The following CRK variants were observed in gnomAD, a reference collection of about 807,000 sequenced individuals.
The protein encoded by CRK is CRK proto-oncogene, adaptor protein.
CRK carries 4 observed loss-of-function variants against 29.8 expected under a neutral mutation model. That is an observed-to-expected ratio of 0.13 (90% CI 0.07 to 0.31). The LOEUF (loss-of-function observed/expected upper bound fraction) is 0.31. CRK is among the 10% of genes least tolerant of loss of function. CRK has a pLI of 1.00. For synonymous variants in CRK, 153 were observed against 164.9 expected, an observed-to-expected ratio of 0.93 and a Z score of 0.55; for missense variants, 274 against 396.5, an observed-to-expected ratio of 0.69 and a Z score of 2.62.
At chr17:1,432,413 C>T (rs1421163537) in intron 2 of CRK, among the ~76,000 whole-genome samples, 4 of 145,598 alleles carry the variant, frequency 2.7e-5, no homozygotes, top group Non-Finnish European at 6.0e-5. Context: ...CACTTGAACC[C>T]AGGAGGCAGA....
intron 2 of CRK, among the ~76,000 whole-genome samples, chr17:1,423,923 G>A (rs2073751521): frequency 6.6e-6 from 1 of 152,208 alleles, no homozygotes; most frequent in African/African-American, 2.4e-5. Flanking sequence ...AAAAAGGAAA[G>A]TGATAATTAT....
intron 2 of CRK, among the ~76,000 whole-genome samples, chr17:1,427,647 TGAGA>T (rs1306254925): frequency 1.3e-5 from 2 of 151,816 alleles, no homozygotes; most frequent in African/African-American, 4.8e-5. Context: ...TTTGTTTGTT[TGAGA>T]GAGAGTCTCA....
At chr17:1,443,348 G>A (rs2073949615) in intron 1 of CRK, among the ~76,000 whole-genome samples, 1 of 151,954 alleles carries the variant, frequency 6.6e-6, no homozygotes, top group Non-Finnish European at 1.5e-5. Context: ...GGGACTATAG[G>A]CACAAGCCAC....
intron 2 of CRK, among the ~76,000 whole-genome samples, chr17:1,427,824 G>A (rs2073795935): frequency 1.3e-5 from 2 of 151,574 alleles, no homozygotes; most frequent in African/African-American, 4.8e-5. Flanking sequence ...TAGTAGAGAC[G>A]GGGTCTCACC....
At chr17:1,443,187 G>C (rs2073948526) in intron 1 of CRK, among the ~76,000 whole-genome samples, 1 of 151,622 alleles carries the variant, frequency 6.6e-6, no homozygotes, top group Non-Finnish European at 1.5e-5. Flanking sequence ...CACCACGTTG[G>C]CAAGGCTGGT....
chr17:1,441,685 T>A (rs1160295078), intron 1 of CRK, among the ~76,000 whole-genome samples: 3 of 151,616 alleles, frequency 2.0e-5, no homozygotes, highest in Non-Finnish European at 4.4e-5. Context: ...AGAGACAAGG[T>A]TTCACCATCT....
chr17:1,435,340 C>A (rs1423639304), intron 2 of CRK, among the ~76,000 whole-genome samples: 1 of 152,126 alleles, frequency 6.6e-6, no homozygotes, highest in Non-Finnish European at 1.5e-5. Context: ...GTATGAGCCA[C>A]ACGCCCAGCC....
intron 1 of CRK, among the ~76,000 whole-genome samples, chr17:1,439,962 A>G (rs2073921388): frequency 6.6e-6 from 1 of 152,014 alleles, no homozygotes; most frequent in African/African-American, 2.4e-5. Context: ...AGACCAGCGT[A>G]GGCAACACAG....
intron 1 of CRK, among the ~76,000 whole-genome samples, chr17:1,453,886 C>A (rs2074036979): frequency 6.6e-6 from 1 of 151,976 alleles, no homozygotes. Flanking sequence ...CCAGCCTGGG[C>A]AACAAAAGCG....
intron 2 of CRK, among the ~76,000 whole-genome samples, chr17:1,424,187 C>T (rs2073754706): frequency 6.6e-6 from 1 of 151,890 alleles, no homozygotes; most frequent in East Asian, 1.9e-4. Flanking sequence ...CTGCCACAGC[C>T]TCCCGAGTAG....
intron 2 of CRK, among the ~76,000 whole-genome samples, chr17:1,429,200 T>TC (rs1177694018): frequency 6.6e-6 from 1 of 151,096 alleles, no homozygotes; most frequent in East Asian, 1.9e-4. Context: ...ATCTAAAACT[T>TC]TTTTTTTTAC....
intron 1 of CRK, among the ~76,000 whole-genome samples, chr17:1,445,971 G>A (rs1484145950): frequency 2.6e-5 from 4 of 152,302 alleles, no homozygotes; most frequent in African/African-American, 7.2e-5. Context: ...CACCATGTTG[G>A]CCAGGATGGT....
In CRK at chr17:1,448,088, G is replaced by A. The variant is rs368199619; in HGVS notation, c.241+7789C>T. Among the ~76,000 whole-genome samples the A allele has an allele frequency of 2.9e-4, 44 of 152,188 alleles. 1 individual carries two copies. The East Asian group carries it at 6.8e-3, about 23-fold the overall frequency. ...ACCCGGGAGGCGGAACTTGCAGTGAGCAGAGATCGCGCCACTGCACTCCAG... is the reference window on the plus strand; with the variant it reads ...ACCCGGGAGGCGGAACTTGCAGTGAACAGAGATCGCGCCACTGCACTCCAG... On this transcript the variant is annotated intron_variant, in intron 1 of 2. Coordinates refer to ENST00000300574, the MANE Select transcript of CRK (RefSeq NM_016823.4).
intron 2 of CRK, among the ~76,000 whole-genome samples, chr17:1,435,058 TTTTTTC>T (rs1348462308): frequency 6.6e-6 from 1 of 152,078 alleles, no homozygotes; most frequent in Non-Finnish European, 1.5e-5. Flanking sequence ...TTCCATGGCT[TTTTTTC>T]TTTTTCTTTT....
intron 1 of CRK, among the ~76,000 whole-genome samples, chr17:1,444,853 A>G (rs556780162): frequency 6.6e-6 from 1 of 150,698 alleles, no homozygotes; most frequent in East Asian, 2.0e-4. Flanking sequence ...AAAAAAAAAA[A>G]AGAATGGCAT....
rs1418429306 is a variant in CRK at position 1,421,965 on chromosome 17, C to G, written c.*1548G>C. On this transcript the variant is annotated 3_prime_UTR_variant, in exon 3 of 3. Coordinates refer to ENST00000300574, the MANE Select transcript of CRK (RefSeq NM_016823.4). Reference sequence around the variant, plus strand: ...CTAGGTCATTTTTGGTCTCATAGGTCTATTTTGTGGAGCACCTGACCCCAT... The same window carrying G: ...CTAGGTCATTTTTGGTCTCATAGGTGTATTTTGTGGAGCACCTGACCCCAT... 1.3e-5 allele frequency: 2 copies of G among 151,954 alleles called. No homozygotes were observed. Among genetic ancestry groups the G allele is most frequent in the Non-Finnish European group, 2.9e-5 (2 of 67,988 alleles). The allele number at this position is 151,954 out of a possible 1,614,324, so 9.4% of individuals were successfully genotyped here.
At chr17:1,429,808 C>T (rs75479436) in intron 2 of CRK, among the ~76,000 whole-genome samples, 11,041 of 151,932 alleles carry the variant, frequency 0.073, 480 homozygotes, top group East Asian at 0.1. Flanking sequence ...TGGAATGTGC[C>T]TGTAGTCCCA....
At chr17:1,448,403 T>C (rs916370561) in intron 1 of CRK, among the ~76,000 whole-genome samples, 3 of 151,724 alleles carry the variant, frequency 2.0e-5, no homozygotes, top group South Asian at 2.1e-4. Context: ...GCCAGGCAAA[T>C]CACTGAGGTC....
chr17:1,430,543 T>C (rs1395206876), intron 2 of CRK, among the ~76,000 whole-genome samples: 4 of 149,218 alleles, frequency 2.7e-5, no homozygotes, highest in Non-Finnish European at 5.9e-5. Context: ...TTTTTTTTTT[T>C]TTTAGTAGAG....
Sources: allele counts gnomAD v4.1 joint callset (sites outside exome capture counted in the v4.1 genomes callset), GRCh38; gene constraint gnomAD v4.1.1; transcripts MANE v1.5; gene names NCBI Gene and HGNC (gene_info 2026-07-23, HGNC 2026-07-21).